The following CADM2 variants were observed in gnomAD, a reference collection of about 807,000 sequenced individuals.
CADM2 encodes the protein cell adhesion molecule 2, also known as immunoglobulin superfamily member 4D.
In CADM2, 12 loss-of-function variants were observed where a neutral mutation model predicts 49.8. The observed-to-expected ratio is 0.24, with a 90% CI of 0.15 to 0.39. The LOEUF is 0.39. Ranked by LOEUF, CADM2 falls within the 10% of genes least tolerant of loss-of-function variation. The pLI is 1.00. For synonymous variants in CADM2, 214 were observed against 175.4 expected (o/e 1.22, Z -1.74); for missense variants, 378 against 492.3 (o/e 0.77, Z 2.20).
chr3:85,852,281 G>A (rs1190729442), intron 3 of CADM2, among the ~76,000 whole-genome samples: 3 of 152,086 alleles, frequency 2.0e-5, no homozygotes, highest in African/African-American at 7.2e-5. Context: ...CTCAATAAAT[G>A]TTTGTTCCAT....
At chr3:85,254,789 T>A (rs552018978) in intron 1 of CADM2, among the ~76,000 whole-genome samples, 1 of 152,036 alleles carries the variant, frequency 6.6e-6, no homozygotes, top group Non-Finnish European at 1.5e-5. Flanking sequence ...AAGGGCTGTA[T>A]GGCAGGAGCT....
At chr3:86,060,113 G>A (rs1476464477) in intron 8 of CADM2, among the ~76,000 whole-genome samples, 2 of 151,868 alleles carry the variant, frequency 1.3e-5, no homozygotes, top group African/African-American at 4.8e-5. Context: ...TTCTTCAAAA[G>A]TTATGTTAAT....
intron 3 of CADM2, among the ~76,000 whole-genome samples, chr3:85,810,185 G>T (rs556827623): frequency 6.6e-6 from 1 of 152,224 alleles, no homozygotes; most frequent in Admixed American, 6.5e-5. Flanking sequence ...GACTGGCTGA[G>T]AAGGGATAGA....
At chr3:84,976,091 G>A (rs1353371271) in intron 1 of CADM2, among the ~76,000 whole-genome samples, 1 of 151,660 alleles carries the variant, frequency 6.6e-6, no homozygotes, top group Non-Finnish European at 1.5e-5. Flanking sequence ...AAATATTTAA[G>A]ATTATATAAA....
intron 1 of CADM2, among the ~76,000 whole-genome samples, chr3:85,398,217 T>A (rs983986164): frequency 1.3e-5 from 2 of 152,058 alleles, no homozygotes; most frequent in Non-Finnish European, 2.9e-5. Context: ...CCAGGGGCTC[T>A]CATTGTTCGA....
At chr3:85,763,060 G>GA (rs2069470195) in intron 2 of CADM2, among the ~76,000 whole-genome samples, 1 of 152,068 alleles carries the variant, frequency 6.6e-6, no homozygotes, top group Admixed American at 6.6e-5. Context: ...ATTTATTAGA[G>GA]CTTCCTGATA....
At chr3:85,172,917 GTAA>G (rs888318284) in intron 1 of CADM2, among the ~76,000 whole-genome samples, 22 of 142,106 alleles carry the variant, frequency 1.5e-4, no homozygotes, top group Non-Finnish European at 2.5e-4. Flanking sequence ...TATAATATAT[GTAA>G]TAATATATAA....
intron 1 of CADM2, among the ~76,000 whole-genome samples, chr3:85,058,172 G>A (rs2036165387): frequency 6.6e-6 from 1 of 152,138 alleles, no homozygotes; most frequent in Non-Finnish European, 1.5e-5. Flanking sequence ...TAAATTTTAT[G>A]AGGTGTAAAA....
At chr3:85,449,951 TA>T in intron 1 of CADM2, among the ~76,000 whole-genome samples, 1 of 152,140 alleles carries the variant, frequency 6.6e-6, no homozygotes, top group East Asian at 1.9e-4. Context: ...TCCTATGGAT[TA>T]ATTTTCAAAT....
At chr3:85,327,852 G>A (rs544287618) in intron 1 of CADM2, among the ~76,000 whole-genome samples, 14 of 152,052 alleles carry the variant, frequency 9.2e-5, no homozygotes, top group South Asian at 2.1e-4. Flanking sequence ...ATTTCAAAAC[G>A]TAACAATTTG....
At chr3:85,265,721 T>C (rs909925080) in intron 1 of CADM2, among the ~76,000 whole-genome samples, 1 of 151,994 alleles carries the variant, frequency 6.6e-6, no homozygotes, top group African/African-American at 2.4e-5. Flanking sequence ...TATTTATAGA[T>C]TTTTTTCTAA....
At chr3:85,589,297 T>C (rs1383554709) in intron 1 of CADM2, among the ~76,000 whole-genome samples, 1 of 151,990 alleles carries the variant, frequency 6.6e-6, no homozygotes, top group Non-Finnish European at 1.5e-5. Flanking sequence ...AATATTTGAG[T>C]TTCTGACCCT....
At position 85,685,619 on chromosome 3, in the gene CADM2, T is replaced by C. The variant is rs55871442; in HGVS notation, c.62-40903T>C. ...ATTGAAACATTTTCTTTCTTTCTTT[T>C]TTTTTTTTTTTTTTTTGTTTTTAAG... On this transcript the variant is annotated intron_variant, in intron 1 of 9. Transcript: ENST00000383699. Among the ~76,000 whole-genome samples the C allele has an allele frequency of 7.8e-3, 1,145 of 146,008 alleles. 8 individuals carry two copies. The highest frequency in any genetic ancestry group is 0.02 in the Middle Eastern group (6 of 294).
chr3:85,001,495 A>G (rs1408632710), intron 1 of CADM2, among the ~76,000 whole-genome samples: 1 of 152,064 alleles, frequency 6.6e-6, no homozygotes, highest in Admixed American at 6.6e-5. Context: ...TATTTTTTCA[A>G]CAAAATCTTT....
At chr3:85,036,295 G>A (rs2035205935) in intron 1 of CADM2, among the ~76,000 whole-genome samples, 1 of 151,450 alleles carries the variant, frequency 6.6e-6, no homozygotes, top group African/African-American at 2.4e-5. Flanking sequence ...AGACATACAT[G>A]TAAAAAAAAA....
chr3:85,425,425 A>G (rs1232006157), intron 1 of CADM2, among the ~76,000 whole-genome samples: 2 of 152,158 alleles, frequency 1.3e-5, no homozygotes, highest in Non-Finnish European at 2.9e-5. Flanking sequence ...ATTTCCATAC[A>G]TTTATACAAT....
At chr3:85,668,009 G>A (rs1404867931) in intron 1 of CADM2, among the ~76,000 whole-genome samples, 1 of 151,930 alleles carries the variant, frequency 6.6e-6, no homozygotes, top group Non-Finnish European at 1.5e-5. Flanking sequence ...TATTAACATT[G>A]TTGACTCATA....
At chr3:85,524,862 T>G (rs1004236012) in intron 1 of CADM2, among the ~76,000 whole-genome samples, 1 of 152,218 alleles carries the variant, frequency 6.6e-6, no homozygotes, top group Admixed American at 6.5e-5. Flanking sequence ...TATGTCCTCC[T>G]GATGAACTGA....
intron 8 of CADM2, among the ~76,000 whole-genome samples, chr3:86,053,995 G>A (rs1375063192): frequency 5.3e-5 from 8 of 151,890 alleles, no homozygotes; most frequent in Non-Finnish European, 1.5e-5. Flanking sequence ...GAAAACTAAG[G>A]TAGAGGGAGG....
Sources: allele counts gnomAD v4.1 joint callset (sites outside exome capture counted in the v4.1 genomes callset), GRCh38; gene constraint gnomAD v4.1.1; transcripts MANE v1.5; gene names NCBI Gene and HGNC (gene_info 2026-07-23, HGNC 2026-07-21).